CKAP2: variants seen among roughly 807,000 people sequenced by gnomAD.
The protein encoded by CKAP2 is cytoskeleton associated protein 2, also known as cytoskeleton-associated protein 2.
A neutral mutation model predicts 58.4 loss-of-function variants in CKAP2; 46 were observed. The ratio of observed to expected loss-of-function variants is 0.79; its 90% confidence interval spans 0.62 to 1.01. The LOEUF (loss-of-function observed/expected upper bound fraction) is 1.01. Among genes scored for constraint, CKAP2 ranks in the 50% least tolerant of loss-of-function variants. The pLI, the probability that CKAP2 is intolerant of heterozygous loss-of-function variation, is 0.00. For missense variants in CKAP2, 809 were observed against 796.4 expected (o/e 1.02, Z -0.19); for synonymous variants, 293 against 280.9 (o/e 1.04, Z -0.43).
chr13:52,461,017 T>G (rs1958565295), intron 3 of CKAP2, 41 bp from the exon 4 acceptor site: 1 of 1,606,004 alleles, frequency 6.2e-7, no homozygotes, highest in African/African-American at 1.3e-5. Context: ...CCCTTTTCCA[T>G]TTTGCCTTTC....
chr13:52,458,484 CA>C (rs1958521478), intron 2 of CKAP2, among the ~76,000 whole-genome samples: 1 of 152,172 alleles, frequency 6.6e-6, no homozygotes, highest in Non-Finnish European at 1.5e-5. Context: ...CCAACAAGGT[CA>C]GGGGTTTATA....
chr13:52,456,175 T>G, intron 1 of CKAP2: 2 of 1,055,246 alleles, frequency 1.9e-6, no homozygotes, highest in Non-Finnish European at 2.3e-6. Context: ...TCTAACCCAG[T>G]TCTGGTAAAT....
Position 52,460,883 on chromosome 13 carries a change from GTTTGTT to G in CKAP2, c.156-12_156-7del. ...ACAGGATTGATTGATCATTTTGTTT[GTTTGTT>G]TTTAAGTAGTAGAGATCAGAGAGTT... On this transcript the variant is annotated splice_polypyrimidine_tract_variant and intron_variant, in intron 2 of 8. Transcript: ENST00000258607. 4.3e-6 allele frequency: 7 copies of G among 1,610,052 alleles called. No individual in the cohort carries two copies. The highest frequency in any genetic ancestry group is 5.1e-6 in the Non-Finnish European group (6 of 1,177,986).
chr13:52,461,874 G>A lies in CKAP2; in HGVS notation c.1048G>A (p.Ala350Thr). ...VDQRRHTAGKAIVDSRSAQPK... is the reference protein window; with the variant it reads ...VDQRRHTAGKTIVDSRSAQPK... The stretch of plus-strand genomic sequence containing the variant: ...CCAGCGAAGACATACTGCAGGAAAA[G>A]CAATTGTTGATAGTAGATCAGCTCA... Residue 350 changes from alanine (A) to threonine (T), a missense_variant, in exon 4 of 9, where the codon GCA (alanine) becomes ACA (threonine). Ala to Thr is a moderately conservative substitution (Grantham distance 58). This residue lies in a region of CKAP2 where 523 missense variants were observed against 492.4 expected (regional missense o/e 1.06). Coordinates refer to ENST00000258607, the MANE Select transcript of CKAP2 (RefSeq NM_018204.5). 1.9e-6 allele frequency: 3 copies of A among 1,614,014 alleles called. No individual in the cohort carries two copies. The highest frequency in any genetic ancestry group is 1.1e-5 in the South Asian group (1 of 91,022).
chr13:52,473,034 G>C (rs183034395), intron 7 of CKAP2, among the ~76,000 whole-genome samples: 15 of 149,860 alleles, frequency 1.0e-4, no homozygotes, highest in African/African-American at 3.7e-4. Context: ...CAGAACGGCA[G>C]ACACCCTGTC....
At chr13:52,465,759 A>G in intron 6 of CKAP2, 1 of 499,762 alleles carries the variant, frequency 2.0e-6, no homozygotes, top group Non-Finnish European at 3.9e-6. Context: ...TCCTGGTTGG[A>G]AGTTTACTGG....
chr13:52,468,305 G>A lies in CKAP2; in HGVS notation c.1504G>A (p.Val502Ile), dbSNP rs117024941. ...QPIEEMRHTIVDILTMKSQEK... is the reference protein window; with the variant it reads ...QPIEEMRHTIIDILTMKSQEK... ...TATTGAAGAGATGCGACACACGATT[G>A]TAGATATTCTAACAATGAAGAGTCA... The change falls in exon 7 of 9, where the codon GTA (valine) becomes ATA (isoleucine). Residue 502 changes from valine (V) to isoleucine (I), a missense_variant. Val to Ile is a conservative substitution (Grantham distance 29, BLOSUM62 3). Transcript: ENST00000258607. The A allele has an allele frequency of 1.4e-3, 2,221 of 1,601,378 alleles. 3 individuals carry two copies. Among genetic ancestry groups the A allele is most frequent in the Non-Finnish European group, 1.4e-3 (1,626 of 1,173,288 alleles).
chr13:52,474,320 T>C (rs1369959741), intron 8 of CKAP2, among the ~76,000 whole-genome samples: 1 of 151,862 alleles, frequency 6.6e-6, no homozygotes, highest in Non-Finnish European at 1.5e-5. Context: ...ACCCCATCTC[T>C]ACAAAAAATA....
intron 2 of CKAP2, among the ~76,000 whole-genome samples, chr13:52,457,962 T>C (rs1487956184): frequency 6.6e-6 from 1 of 152,200 alleles, no homozygotes. Flanking sequence ...TAACAATAGG[T>C]GGATCCTGGG....
At chr13:52,472,712 T>C (rs1192627881) in intron 7 of CKAP2, among the ~76,000 whole-genome samples, 1 of 152,182 alleles carries the variant, frequency 6.6e-6, no homozygotes, top group Non-Finnish European at 1.5e-5. Flanking sequence ...CTAATACATT[T>C]GCACACTCAT....
chr13:52,473,125 A>C (rs544593381), intron 7 of CKAP2, among the ~76,000 whole-genome samples: 1 of 151,772 alleles, frequency 6.6e-6, no homozygotes, highest in East Asian at 1.9e-4. Context: ...TTCCTAACTT[A>C]CTTAGGCTAT....
At chr13:52,460,105 C>T (rs539068636) in intron 2 of CKAP2, among the ~76,000 whole-genome samples, 1 of 152,238 alleles carries the variant, frequency 6.6e-6, no homozygotes, top group Admixed American at 6.5e-5. Context: ...GTAATCCCCC[C>T]ACCTCGGCCT....
chr13:52,462,297 T>A (rs1958598159), intron 4 of CKAP2, 66 bp from the exon 5 acceptor site: 1 of 1,411,090 alleles, frequency 7.1e-7, no homozygotes, highest in African/African-American at 1.4e-5. Context: ...TTTTTTCTTT[T>A]AACTTTATTT....
chr13:52,460,703 C>A (rs79889865), intron 2 of CKAP2, among the ~76,000 whole-genome samples, 196 bp from the exon 3 acceptor site: 2 of 1,856 alleles, frequency 1.1e-3, no homozygotes, highest in Non-Finnish European at 2.9e-3. Flanking sequence ...CTGCCCACCT[C>A]GGCCTCCCAA....
intron 8 of CKAP2, among the ~76,000 whole-genome samples, chr13:52,474,642 CAGT>C (rs1178738298): frequency 1.3e-4 from 20 of 152,170 alleles, no homozygotes; most frequent in African/African-American, 4.3e-4. Context: ...TTATTAATAA[CAGT>C]AGGTTTTGGC....
chr13:52,473,116 TC>T (rs1441651394), intron 7 of CKAP2, among the ~76,000 whole-genome samples: 1 of 152,144 alleles, frequency 6.6e-6, no homozygotes, highest in Non-Finnish European at 1.5e-5. Context: ...TCTGATCTCT[TC>T]CTAACTTACT....
chr13:52,471,180 A>G (rs928115766), intron 7 of CKAP2, among the ~76,000 whole-genome samples: 1 of 152,152 alleles, frequency 6.6e-6, no homozygotes, highest in African/African-American at 2.4e-5. Flanking sequence ...AAAAAAAAGA[A>G]TAACCCAGTC....
intron 1 of CKAP2, 197 bp downstream of exon 1, chr13:52,455,823 G>T: frequency 1.3e-6 from 1 of 798,226 alleles, no homozygotes; most frequent in Non-Finnish European, 1.7e-6. Context: ...CCGCTGCGTG[G>T]TGTTACTGTG....
At position 52,455,495 on chromosome 13, in the gene CKAP2, T is replaced by C. The variant is rs1025494278; in HGVS notation, c.-62T>C. 1.0e-5 allele frequency: 16 copies of C among 1,593,782 alleles called. No homozygotes were observed. The highest frequency in any genetic ancestry group is 2.7e-5 in the African/African-American group (2 of 74,458). On this transcript the variant is annotated 5_prime_UTR_variant, in exon 1 of 9. Transcript: ENST00000258607. ...GCCGCGGTGCAGACTGCGGCGGCGG[T>C]GGTCTGAGGAAGTTCTATCTTGGCG...
Sources: gnomAD v4.1 joint callset for allele counts (sites outside exome capture counted in the v4.1 genomes callset) on GRCh38, gnomAD v4.1.1 for gene constraint, gnomAD v4.1.1 regional missense constraint, MANE v1.5 for transcripts, NCBI Gene and HGNC (gene_info 2026-07-23, HGNC 2026-07-21) for gene names.